The following WDR3 variants were observed in gnomAD, a reference collection of about 807,000 sequenced individuals.
WDR3 encodes WD repeat domain 3.
In WDR3, 81 loss-of-function variants were observed where a neutral mutation model predicts 123.7. The observed-to-expected ratio is 0.65, with a 90% CI of 0.55 to 0.79. The LOEUF (loss-of-function observed/expected upper bound fraction) is 0.79, where lower values mean the gene tolerates loss of function less well. Among genes scored for constraint, WDR3 ranks in the 30% least tolerant of loss-of-function variants. WDR3 has a pLI of 0.00. For synonymous variants in WDR3, 390 were observed against 388.8 expected, an observed-to-expected ratio of 1.00 and a Z score of -0.04; for missense variants, 1,027 against 1,123.2, an observed-to-expected ratio of 0.91 and a Z score of 1.22.
At chr1:117,955,950 A>C (rs1325807677) in intron 24 of WDR3, among the ~76,000 whole-genome samples, 2 of 152,184 alleles carry the variant, frequency 1.3e-5, no homozygotes, top group Non-Finnish European at 2.9e-5. Context: ...CAGTAGGCAT[A>C]AGCTTTTAAA....
intron 11 of WDR3, among the ~76,000 whole-genome samples, chr1:117,944,732 C>G (rs1168653278): frequency 6.6e-6 from 1 of 152,080 alleles, no homozygotes; most frequent in African/African-American, 2.4e-5. Context: ...GACAGAGGCT[C>G]GCTCTGTCGC....
At position 117,950,133 on chromosome 1, in the gene WDR3, A is replaced by G. The variant is rs1223520216; in HGVS notation, c.1746+3A>G. On this transcript the variant is annotated splice_donor_region_variant and intron_variant, in intron 15 of 26. Transcript: ENST00000349139. ...TTTTCTACGTTGATACTTTAAAGGT[A>G]CAGTGGTTATGCCTGCGGATATTTT... The G allele has an allele frequency of 1.2e-6, 2 of 1,613,548 alleles. No homozygotes were observed. The highest frequency in any genetic ancestry group is 1.7e-6 in the Non-Finnish European group (2 of 1,179,782).
chr1:117,952,867 G>T, intron 19 of WDR3, 79 bp from the exon 20 acceptor site: 1 of 1,541,802 alleles, frequency 6.5e-7, no homozygotes, highest in Non-Finnish European at 8.9e-7. Flanking sequence ...CAAAGGAGCA[G>T]CTTCTCGCTT....
intron 9 of WDR3, 71 bp downstream of exon 9, chr1:117,941,918 G>A: frequency 6.8e-7 from 1 of 1,477,726 alleles, no homozygotes; most frequent in Non-Finnish European, 8.9e-7. Flanking sequence ...AAAAAAAACT[G>A]GCTTCTTTCA....
chr1:117,955,256 A>G, intron 23 of WDR3, 59 bp from the exon 24 acceptor site: 1 of 1,435,970 alleles, frequency 7.0e-7, no homozygotes, highest in Non-Finnish European at 9.6e-7. Context: ...TAGAAATTAG[A>G]GAACTTTAGT....
rs761184887 is a variant in WDR3, at chr1:117,948,486, A to G, written c.1504A>G (p.Met502Val). The G allele has an allele frequency of 3.7e-6, 6 of 1,613,794 alleles. No homozygotes were observed. The highest frequency in any genetic ancestry group is 1.3e-5 in the African/African-American group (1 of 75,018). The change falls in exon 13 of 27, where the codon ATG becomes GTG. Residue 502 changes from methionine to valine, a missense_variant. Met to Val is a conservative substitution (Grantham distance 21, BLOSUM62 1). Transcript: ENST00000349139. ...TGCACATGATGGAGCTTTGTGGTCC[A>G]TGTCCCTCTCTCCAGATCAGGTAAC... Reference protein sequence around the residue: ...IDAHDGALWSMSLSPDQRGFV... With the variant: ...IDAHDGALWSVSLSPDQRGFV...
Position 117,962,564 on chromosome 1 carries a change from T to A in WDR3, c.*3117T>A, listed in dbSNP as rs1571066400. ...CTCCATTGAAAAAAAAAAAAAAGGC[T>A]CTTGAATGATGTATTGGGAGTAAAA... On this transcript the variant is annotated 3_prime_UTR_variant, in exon 27 of 27. Coordinates refer to ENST00000349139, the MANE Select transcript of WDR3 (RefSeq NM_006784.3). 2 of 147,424 alleles carry A rather than the reference T, an allele frequency of 1.4e-5. No individual in the cohort carries two copies. Among genetic ancestry groups the A allele is most frequent in the Admixed American group, 1.4e-4 (2 of 14,770 alleles). 9.1% of individuals were successfully genotyped at this position (147,424 alleles called of 1,614,324 possible).
intron 1 of WDR3, among the ~76,000 whole-genome samples, chr1:117,931,969 GCCAACCAA>G (rs1346520335): frequency 6.6e-6 from 1 of 152,142 alleles, no homozygotes; most frequent in African/African-American, 2.4e-5. Context: ...GTAGAGTTAA[GCCAACCAA>G]CCAAAGAAAC....
chr1:117,940,785 A>G, intron 6 of WDR3, 42 bp from the exon 7 acceptor site: 1 of 1,520,576 alleles, frequency 6.6e-7, no homozygotes, highest in Non-Finnish European at 9.0e-7. Flanking sequence ...GCCTCCTGGA[A>G]CATACTATTT....
intron 6 of WDR3, 79 bp downstream of exon 6, chr1:117,939,651 T>G (rs754825499): frequency 3.4e-5 from 47 of 1,369,388 alleles, no homozygotes; most frequent in Non-Finnish European, 4.7e-5. Context: ...ATGTAATTAT[T>G]CAGTACTTCA....
rs759316360 is a variant in WDR3, at chr1:117,954,081, T to G, written c.2343T>G (p.Cys781Trp). 8.1e-6 allele frequency: 13 copies of G among 1,612,162 alleles called. No individual in the cohort carries two copies. The South Asian group carries it at 1.4e-4, about 18-fold the overall frequency. ...AAATGAAGGAACACAAAGCCATTTG[T>G]AAAGCTGCAGGGAAAGAGGTAATAA... ...TAKMKEHKAI[C>W]KAAGKEVPLP... Residue 781 changes from cysteine to tryptophan, a missense_variant, in exon 22 of 27, where the codon TGT (cysteine) becomes TGG (tryptophan). Transcript: ENST00000349139.
intron 1 of WDR3, among the ~76,000 whole-genome samples, chr1:117,931,186 A>G (rs1650705258): frequency 6.6e-6 from 1 of 152,126 alleles, no homozygotes; most frequent in African/African-American, 2.4e-5. Flanking sequence ...TGGCCTCCCA[A>G]AGTGCTGGCA....
At chr1:117,930,780 G>C (rs1650684457) in intron 1 of WDR3, among the ~76,000 whole-genome samples, 1 of 152,216 alleles carries the variant, frequency 6.6e-6, no homozygotes, top group African/African-American at 2.4e-5. Context: ...GTTTAGCATA[G>C]TGGTTAAAAG....
chr1:117,952,419 G>A lies in WDR3; in HGVS notation c.2016+11G>A. 6.2e-7 allele frequency: 1 copy of A among 1,608,084 alleles called. No individual in the cohort carries two copies. The highest frequency in any genetic ancestry group is 1.1e-5 in the South Asian group (1 of 89,758). ...ATACAGACTCTGGAGGTAACCACAT[G>A]CCTTCTGTGCTTGCTTGGTACTTAA... On this transcript the variant is annotated intron_variant, in intron 18 of 26. Transcript: ENST00000349139.
In WDR3 at chr1:117,946,800, G is replaced by C. The variant is rs188477635; in HGVS notation, c.1422+621G>C. Among the ~76,000 whole-genome samples, 117 of 152,098 alleles carry C rather than the reference G, an allele frequency of 7.7e-4. 2 individuals carry two copies. The East Asian group carries it at 8.5e-3, about 11-fold the overall frequency. On this transcript the variant is annotated intron_variant, in intron 12 of 26. Transcript: ENST00000349139. ...ACTAAAAATACAAAAAATTAGGTGG[G>C]TGTGGTGGCGGGCGCCTGTAGTCCC...
chr1:117,947,928 G>A (rs1384737608), intron 12 of WDR3, among the ~76,000 whole-genome samples: 9 of 152,138 alleles, frequency 5.9e-5, no homozygotes, highest in Non-Finnish European at 1.0e-4. Context: ...GCTGTAGGTA[G>A]ATCCCATTTC....
rs1489922709 is a variant in WDR3, at chr1:117,936,859, C to T, written c.472C>T (p.Leu158=). The T allele has an allele frequency of 6.2e-7, 1 of 1,613,010 alleles. No homozygotes were observed. The highest frequency in any genetic ancestry group is 8.5e-7 in the Non-Finnish European group (1 of 1,179,362). ...GGATGCCATCACACAAGCATTGTTT[C>T]TACGAGAAAAGAACCTGCTAGTTAC... is the stretch of plus-strand genomic sequence containing the variant. ...HKDAITQALF[L]REKNLLVTSG... is the part of the protein sequence containing the mutation. The change falls in exon 4 of 27, where the codon CTA becomes TTA. Residue 158 remains leucine, a synonymous_variant. Transcript: ENST00000349139.
rs754483435 is a variant in WDR3 at position 117,946,106 on chromosome 1, G to A, written c.1349G>A (p.Arg450His). Reference sequence around the variant, plus strand: ...CATAGGTCTACACTGCAGTGTATTCGCACAATGACCTGTGAATATGCACTT... The same window carrying A: ...CATAGGTCTACACTGCAGTGTATTCACACAATGACCTGTGAATATGCACTT... ...IWNRSTLQCI[R>H]TMTCEYALCS... The change falls in exon 12 of 27, where the codon CGC (arginine) becomes CAC (histidine). Residue 450 changes from arginine (R) to histidine (H), a missense_variant. Coordinates refer to ENST00000349139, the MANE Select transcript of WDR3 (RefSeq NM_006784.3). 6.2e-6 allele frequency: 10 copies of A among 1,611,560 alleles called. No homozygotes were observed. The East Asian group carries it at 6.7e-5, about 11-fold the overall frequency.
intron 2 of WDR3, 66 bp downstream of exon 2, chr1:117,933,556 T>G: frequency 6.3e-7 from 1 of 1,593,102 alleles, no homozygotes; most frequent in Non-Finnish European, 8.6e-7. Context: ...GTAGTAGAAG[T>G]GGGGGGGCTC....
Sources: gnomAD v4.1 joint callset for allele counts (sites outside exome capture counted in the v4.1 genomes callset) on GRCh38, gnomAD v4.1.1 for gene constraint, MANE v1.5 for transcripts, NCBI Gene and HGNC (gene_info 2026-07-23, HGNC 2026-07-21) for gene names.